Variants in LDLRAD3 observed in about 807,000 individuals in gnomAD.
LDLRAD3 encodes the protein low-density lipoprotein receptor class A domain-containing protein 3.
In LDLRAD3, 20 loss-of-function variants were observed where a neutral mutation model predicts 29.4. That is an observed-to-expected ratio of 0.68 (90% CI 0.48 to 0.99). LDLRAD3 has a LOEUF of 0.99. LDLRAD3 is among the 50% of genes least tolerant of loss of function. The probability of loss-of-function intolerance (pLI) is 0.00; values close to 1 mark genes in which losing one functional copy is unlikely to be tolerated. For missense variants in LDLRAD3, 420 were observed against 454.3 expected, an observed-to-expected ratio of 0.92 and a Z score of 0.69; for synonymous variants, 157 against 192.7, an observed-to-expected ratio of 0.81 and a Z score of 1.53.
At chr11:36,121,073 C>A (rs138106293) in intron 4 of LDLRAD3, among the ~76,000 whole-genome samples, 16 of 152,284 alleles carry the variant, frequency 1.1e-4, no homozygotes, top group Non-Finnish European at 1.8e-4. Context: ...TAAGCCACCG[C>A]CTCTCTAGTT....
At chr11:36,144,662 C>T (rs1854145183) in intron 4 of LDLRAD3, among the ~76,000 whole-genome samples, 3 of 73,892 alleles carry the variant, frequency 4.1e-5, no homozygotes, top group East Asian at 1.4e-3. Context: ...GCAGCCACAC[C>T]GTCTGAGAAG....
intron 2 of LDLRAD3, among the ~76,000 whole-genome samples, chr11:36,060,241 C>G (rs1244440148): frequency 6.6e-6 from 1 of 151,524 alleles, no homozygotes; most frequent in Non-Finnish European, 1.5e-5. Context: ...GTAATCCCAG[C>G]TACTCGGGAG....
chr11:36,159,231 C>T (rs370540718), intron 4 of LDLRAD3, among the ~76,000 whole-genome samples: 19 of 152,212 alleles, frequency 1.2e-4, no homozygotes, highest in South Asian at 8.3e-4. Flanking sequence ...ACTTAGGACA[C>T]GAAGGCCGAA....
chr11:35,967,802 A>G (rs544990636), intron 1 of LDLRAD3: 1 of 447,966 alleles, frequency 2.2e-6, no homozygotes, highest in African/African-American at 2.0e-5. Flanking sequence ...GTTTTCAGAT[A>G]TAGCAGCCTG....
At chr11:36,192,684 G>A (rs1312545977) in intron 4 of LDLRAD3, among the ~76,000 whole-genome samples, 2 of 152,150 alleles carry the variant, frequency 1.3e-5, no homozygotes, top group Admixed American at 6.5e-5. Flanking sequence ...TTAGGTCCAG[G>A]GCATGAATTG....
chr11:36,075,532 A>T (rs1265845441), intron 2 of LDLRAD3, among the ~76,000 whole-genome samples: 1 of 152,190 alleles, frequency 6.6e-6, no homozygotes, highest in Non-Finnish European at 1.5e-5. Context: ...CTTTGTAATT[A>T]ATAACATATT....
At position 36,229,227 on chromosome 11, in the gene LDLRAD3, C is replaced by T; in HGVS notation, c.868C>T (p.Leu290=). 1 of 1,614,144 alleles carries T rather than the reference C, an allele frequency of 6.2e-7. No individual in the cohort carries two copies. Among genetic ancestry groups the T allele is most frequent in the South Asian group, 1.1e-5 (1 of 91,086 alleles). ...SDTESLNQAD[L]PPYRSRSGSA... ...CACGGAATCTCTGAACCAAGCCGAC[C>T]TGCCCCCCTACCGCTCCCGGTCCGG... Residue 290 remains leucine, a synonymous_variant, in exon 6 of 6, where the codon CTG becomes TTG. Transcript: ENST00000315571.
At chr11:36,113,532 C>G (rs1229209094) in intron 4 of LDLRAD3, among the ~76,000 whole-genome samples, 5 of 152,146 alleles carry the variant, frequency 3.3e-5, no homozygotes, top group African/African-American at 1.2e-4. Flanking sequence ...ACATCACTTT[C>G]ACTGATGATG....
Position 36,225,791 on chromosome 11 carries a change from C to T in LDLRAD3, c.455-1294C>T, listed in dbSNP as rs528764435. 3.3e-5 allele frequency among the ~76,000 whole-genome samples: 5 copies of T among 152,220 alleles called. No homozygotes were observed. The South Asian group carries it at 8.3e-4, about 25-fold the overall frequency. On this transcript the variant is annotated intron_variant, in intron 4 of 5. Coordinates refer to ENST00000315571, the MANE Select transcript of LDLRAD3 (RefSeq NM_174902.4). ...GATGTGATATAAAGCATGTACTTGG[C>T]CAGGCACAGTGGCTCACGCCTGTAA...
intron 4 of LDLRAD3, among the ~76,000 whole-genome samples, chr11:36,171,210 G>A (rs1436413307): frequency 6.6e-6 from 1 of 152,138 alleles, no homozygotes; most frequent in African/African-American, 2.4e-5. Flanking sequence ...TTTGTTGAAT[G>A]CATAGTTTGC....
At chr11:36,219,411 A>C (rs1238748072) in intron 4 of LDLRAD3, among the ~76,000 whole-genome samples, 1 of 152,234 alleles carries the variant, frequency 6.6e-6, no homozygotes, top group Non-Finnish European at 1.5e-5. Flanking sequence ...AGACTTAACT[A>C]TAAAGCTGTA....
At chr11:35,973,715 C>T (rs1156634508) in intron 1 of LDLRAD3, among the ~76,000 whole-genome samples, 2 of 152,110 alleles carry the variant, frequency 1.3e-5, no homozygotes, top group Non-Finnish European at 1.5e-5. Context: ...AGGTGATATG[C>T]CCACCTCAGC....
intron 2 of LDLRAD3, among the ~76,000 whole-genome samples, chr11:36,066,074 G>A (rs1852787065): frequency 6.6e-6 from 1 of 152,076 alleles, no homozygotes; most frequent in Admixed American, 6.5e-5. Flanking sequence ...GCCTAAGTGA[G>A]ATGGAAAAGG....
chr11:36,228,294 G>A (rs536136035), intron 5 of LDLRAD3, among the ~76,000 whole-genome samples: 1 of 152,284 alleles, frequency 6.6e-6, no homozygotes, highest in South Asian at 2.1e-4. Flanking sequence ...AGAGGATGGC[G>A]CTTAAGGATC....
intron 4 of LDLRAD3, among the ~76,000 whole-genome samples, chr11:36,177,381 A>G (rs1340187494): frequency 6.6e-6 from 1 of 152,186 alleles, no homozygotes; most frequent in East Asian, 1.9e-4. Flanking sequence ...TTTGTGGATG[A>G]TAAAGAACCT....
intron 4 of LDLRAD3, among the ~76,000 whole-genome samples, chr11:36,198,581 A>G (rs1416292719): frequency 1.3e-5 from 2 of 150,778 alleles, no homozygotes; most frequent in African/African-American, 4.9e-5. Flanking sequence ...CCCCCATCCC[A>G]CTCCTGCCTC....
At chr11:35,992,586 G>A (rs1851703897) in intron 1 of LDLRAD3, among the ~76,000 whole-genome samples, 1 of 152,192 alleles carries the variant, frequency 6.6e-6, no homozygotes, top group Admixed American at 6.5e-5. Flanking sequence ...ATGAAAAGAA[G>A]CCAGTTACAA....
intron 4 of LDLRAD3, among the ~76,000 whole-genome samples, chr11:36,170,366 A>G (rs1359785928): frequency 6.6e-6 from 1 of 151,022 alleles, no homozygotes; most frequent in Non-Finnish European, 1.5e-5. Context: ...ATATACACAC[A>G]CACATATATA....
intron 4 of LDLRAD3, among the ~76,000 whole-genome samples, chr11:36,180,030 A>G (rs775231982): frequency 2.6e-5 from 4 of 152,130 alleles, no homozygotes; most frequent in Non-Finnish European, 5.9e-5. Flanking sequence ...AAAAAACAAC[A>G]TATGTAAAAT....
Sources: allele counts gnomAD v4.1 joint callset (sites outside exome capture counted in the v4.1 genomes callset), GRCh38; gene constraint gnomAD v4.1.1; transcripts MANE v1.5; gene names NCBI Gene and HGNC (gene_info 2026-07-23, HGNC 2026-07-21).